The following KCNQ3 variants were observed in gnomAD, a reference collection of about 807,000 sequenced individuals.
KCNQ3 encodes potassium voltage-gated channel subfamily Q member 3.
Under a neutral mutation model 92.5 loss-of-function variants are expected in KCNQ3, and 30 were observed. The observed-to-expected ratio is 0.32, with a 90% confidence interval of 0.24 to 0.44. KCNQ3 has a LOEUF of 0.44. KCNQ3 is among the 20% of genes least tolerant of loss of function. The pLI is 1.00. For synonymous variants in KCNQ3, 450 were observed against 468.8 expected, an observed-to-expected ratio of 0.96 and a Z score of 0.52; for missense variants, 913 against 1,140.3, an observed-to-expected ratio of 0.80 and a Z score of 2.87.
intron 1 of KCNQ3, among the ~76,000 whole-genome samples, chr8:132,420,923 A>C (rs953611019): frequency 1.3e-5 from 2 of 152,288 alleles, no homozygotes; most frequent in African/African-American, 4.8e-5. Flanking sequence ...GATGCAAAAA[A>C]AACAAAAAAC....
At chr8:132,141,029 G>A (rs1825279832) in intron 10 of KCNQ3, 100 bp downstream of exon 10, 2 of 1,099,312 alleles carry the variant, frequency 1.8e-6, no homozygotes, top group Non-Finnish European at 2.8e-6. Context: ...ACCTTGTGGA[G>A]TCAAAGGTTC....
chr8:132,137,431 A>G (rs1163900235), intron 12 of KCNQ3, among the ~76,000 whole-genome samples: 3 of 152,314 alleles, frequency 2.0e-5, no homozygotes, highest in South Asian at 4.1e-4. Context: ...AGTACTCAGG[A>G]GTTCAATAAA....
intron 4 of KCNQ3, 107 bp from the exon 5 acceptor site, chr8:132,175,715 CTG>C (rs1826526521): frequency 9.5e-7 from 1 of 1,057,486 alleles, no homozygotes; most frequent in Admixed American, 2.0e-5. Flanking sequence ...AGCTCTGTGA[CTG>C]TGGTCAAATC....
At chr8:132,296,809 T>C (rs1392015554) in intron 1 of KCNQ3, among the ~76,000 whole-genome samples, 1 of 151,964 alleles carries the variant, frequency 6.6e-6, no homozygotes, top group Admixed American at 6.6e-5. Context: ...TTTGGGTTGG[T>C]TCCAAGTCTT....
At chr8:132,133,206 A>C (rs1021351702) in intron 13 of KCNQ3, among the ~76,000 whole-genome samples, 1 of 152,210 alleles carries the variant, frequency 6.6e-6, no homozygotes, top group African/African-American at 2.4e-5. Flanking sequence ...TTCTAAAAGA[A>C]GGTAGAGACT....
intron 1 of KCNQ3, among the ~76,000 whole-genome samples, chr8:132,404,189 C>T (rs542309738): frequency 3.3e-5 from 5 of 152,292 alleles, no homozygotes; most frequent in Admixed American, 2.0e-4. Flanking sequence ...TCTGTAGAGT[C>T]GTGGTTCTAG....
intron 7 of KCNQ3, among the ~76,000 whole-genome samples, chr8:132,172,175 C>G (rs1826388364): frequency 6.6e-6 from 1 of 150,854 alleles, no homozygotes; most frequent in South Asian, 2.1e-4. Flanking sequence ...AAGAGAGTCT[C>G]AAAAAAAACT....
intron 11 of KCNQ3, 35 bp from the exon 12 acceptor site, chr8:132,138,051 T>G (rs1481218573): frequency 1.2e-6 from 2 of 1,601,078 alleles, no homozygotes; most frequent in Non-Finnish European, 1.7e-6. Context: ...GTGCATCCCA[T>G]GTGGAGAGTG....
intron 1 of KCNQ3, among the ~76,000 whole-genome samples, chr8:132,222,405 A>G (rs1814268168): frequency 6.6e-6 from 1 of 152,264 alleles, no homozygotes; most frequent in South Asian, 2.1e-4. Flanking sequence ...GAGTGCGTAT[A>G]TAGTAAGAAG....
intron 1 of KCNQ3, among the ~76,000 whole-genome samples, chr8:132,285,272 A>C (rs1816648197): frequency 6.6e-6 from 1 of 152,234 alleles, no homozygotes; most frequent in South Asian, 2.1e-4. Context: ...CGAGAAGGTT[A>C]CAGAAAGTCT....
At chr8:132,130,095 T>A in intron 14 of KCNQ3, 99 bp from the exon 15 acceptor site, 1 of 1,386,872 alleles carries the variant, frequency 7.2e-7, no homozygotes, top group Non-Finnish European at 9.8e-7. Flanking sequence ...TTTTTTTTTT[T>A]TTTTTGAGAC....
At chr8:132,293,699 A>C (rs1320741657) in intron 1 of KCNQ3, among the ~76,000 whole-genome samples, 2 of 152,128 alleles carry the variant, frequency 1.3e-5, no homozygotes, top group African/African-American at 2.4e-5. Flanking sequence ...GATGAGAGGG[A>C]AGGTGTTGGG....
intron 1 of KCNQ3, among the ~76,000 whole-genome samples, chr8:132,465,427 A>T (rs552379474): frequency 1.4e-5 from 1 of 73,234 alleles, no homozygotes; most frequent in African/African-American, 7.6e-5. Flanking sequence ...AAACAATTTT[A>T]AAAAAATAGC....
At chr8:132,315,975 A>G (rs1419468170) in intron 1 of KCNQ3, among the ~76,000 whole-genome samples, 1 of 152,212 alleles carries the variant, frequency 6.6e-6, no homozygotes, top group African/African-American at 2.4e-5. Context: ...AGCGCAATGA[A>G]TATTTTTGAG....
At chr8:132,284,820 G>GAC (rs1382929945) in intron 1 of KCNQ3, among the ~76,000 whole-genome samples, 7 of 152,162 alleles carry the variant, frequency 4.6e-5, no homozygotes, top group Non-Finnish European at 8.8e-5. Flanking sequence ...CATTAACATG[G>GAC]ATTAATGTCT....
intron 1 of KCNQ3, among the ~76,000 whole-genome samples, chr8:132,432,372 G>A (rs1487009054): frequency 2.0e-5 from 3 of 150,428 alleles, no homozygotes; most frequent in Admixed American, 6.6e-5. Flanking sequence ...AAAAAAACCT[G>A]GAACATAACA....
chr8:132,444,747 G>A (rs762963049), intron 1 of KCNQ3, among the ~76,000 whole-genome samples: 4 of 152,208 alleles, frequency 2.6e-5, no homozygotes, highest in African/African-American at 9.7e-5. Context: ...AGATTGCAGA[G>A]AGCGTGGGAT....
At chr8:132,145,038 T>TTAC (rs1825411409) in intron 9 of KCNQ3, among the ~76,000 whole-genome samples, 1 of 152,052 alleles carries the variant, frequency 6.6e-6, no homozygotes, top group Non-Finnish European at 1.5e-5. Flanking sequence ...CCTGGAGACA[T>TTAC]TTGGTCGTCA....
In KCNQ3 at chr8:132,129,719, G is replaced by T. The variant is rs779605492; in HGVS notation, c.2162C>A (p.Pro721His). ...CTTTCCAGAACTGGGTCCCCCTCGG[G>T]GCAGGTTCACAGGGTCATGTGCAAA... ...GFFAHDPVNL[P>H]RGGPSSGKVQ... The change falls in exon 15 of 15, where the codon CCC becomes CAC. Residue 721 changes from proline to histidine, a missense_variant. By Grantham distance (77) the Pro-to-His change is moderately conservative. This residue lies in a region of KCNQ3 where 375 missense variants were observed against 376.4 expected (regional missense o/e 1.00). Transcript: ENST00000388996. The surrounding 1 kb of genome is among the most constrained non-coding windows in gnomAD (Gnocchi z 5.9). The T allele has an allele frequency of 5.0e-6, 8 of 1,614,044 alleles. No individual in the cohort carries two copies. Among genetic ancestry groups the T allele is most frequent in the African/African-American group, 1.3e-5 (1 of 74,918 alleles).
Sources: allele counts gnomAD v4.1 joint callset (sites outside exome capture counted in the v4.1 genomes callset), GRCh38; gene constraint gnomAD v4.1.1; regional missense constraint gnomAD v4.1.1; non-coding constraint Gnocchi (gnomAD v3.1); transcripts MANE v1.5; gene names NCBI Gene and HGNC (gene_info 2026-07-23, HGNC 2026-07-21).